GALNT4: variants seen among roughly 807,000 people sequenced by gnomAD.
GALNT4 encodes the protein UDP-GalNAc:polypeptide N-acetylgalactosaminyltransferase 4.
A neutral mutation model predicts 45.1 loss-of-function variants in GALNT4; 23 were observed. The ratio of observed to expected loss-of-function variants is 0.51; its 90% CI spans 0.37 to 0.72. The LOEUF is 0.72. Ranked by LOEUF, GALNT4 falls within the 30% of genes least tolerant of loss-of-function variation. GALNT4 has a pLI of 0.00. For missense variants in GALNT4, 757 were observed against 709.0 expected, an observed-to-expected ratio of 1.07 and a Z score of -0.77; for synonymous variants, 264 against 257.6, an observed-to-expected ratio of 1.02 and a Z score of -0.24.
chr12:89,524,060 CAGG>C lies in GALNT4; in HGVS notation c.487_489del (p.Pro163del), dbSNP rs1871185296. ...AAGATGATCTCTTTCAAAAGAACTG[CAGG>C]AGAAGTTTCTAAAACACTGTGAATG... On this transcript the variant is annotated inframe_deletion, in exon 1 of 1. Coordinates refer to ENST00000529983, the MANE Select transcript of GALNT4 (RefSeq NM_003774.5). 12 of 1,613,628 alleles carry C rather than the reference CAGG, an allele frequency of 7.4e-6. No individual in the cohort carries two copies. Among genetic ancestry groups the C allele is most frequent in the South Asian group, 1.1e-5 (1 of 91,004 alleles).
chr12:89,523,738 CCT>C lies in GALNT4; in HGVS notation c.810_811del (p.Ile270MetfsTer9). 6.5e-7 allele frequency: 1 copy of C among 1,547,792 alleles called. No homozygotes were observed. Among genetic ancestry groups the C allele is most frequent in the Non-Finnish European group, 8.7e-7 (1 of 1,154,602 alleles). On this transcript the variant is annotated frameshift_variant, in exon 1 of 1. Transcript: ENST00000529983. LOFTEE classifies it high-confidence loss of function. Reference sequence around the variant, plus strand: ...GTCAAACCCACCAATCATGGGCTCCCCTATCTGCATATAGAATTCAAAAGTAT... The same window carrying C: ...GTCAAACCCACCAATCATGGGCTCCCATCTGCATATAGAATTCAAAAGTAT...
Position 89,523,369 on chromosome 12 carries a change from A to G in GALNT4, c.1181T>C (p.Phe394Ser). Residue 394 changes from phenylalanine to serine, a missense_variant, in exon 1 of 1, where the codon TTC becomes TCC. Transcript: ENST00000529983. ...TCTTGCTGGAGGGTTTCTATTGTAGAAGTGCTCTTTGTATTCATCCATCCA... is the reference window on the plus strand; with the variant it reads ...TCTTGCTGGAGGGTTTCTATTGTAGGAGTGCTCTTTGTATTCATCCATCCA... ...EVWMDEYKEH[F>S]YNRNPPARKE... 6.2e-7 allele frequency: 1 copy of G among 1,614,056 alleles called. No homozygotes were observed. Among genetic ancestry groups the G allele is most frequent in the African/African-American group, 1.3e-5 (1 of 75,068 alleles).
Position 89,524,647 on chromosome 12 carries a change from G to A in GALNT4, c.-98C>T. 1 of 1,305,300 alleles carries A rather than the reference G, an allele frequency of 7.7e-7. No individual in the cohort carries two copies. Among genetic ancestry groups the A allele is most frequent in the Non-Finnish European group, 1.1e-6 (1 of 935,596 alleles). The allele number at this position is 1,305,300 out of a possible 1,614,324, so 80.9% of individuals were successfully genotyped here. On this transcript the variant is annotated 5_prime_UTR_variant, in exon 1 of 1. Transcript: ENST00000529983. ...GCTCGAGCTCAGGTACTTCCCAGCA[G>A]GTTCTTCCTTTCATGCAGGCGCTAG...
In GALNT4 at chr12:89,519,856, T is replaced by C. The variant is rs11831532; in HGVS notation, c.*2957A>G. 0.09 allele frequency: 13,747 copies of C among 152,416 alleles called. 769 individuals are homozygous for C. The highest frequency in any genetic ancestry group is 0.16 in the Middle Eastern group (46 of 294). 9.4% of individuals were successfully genotyped at this position (152,416 alleles called of 1,614,324 possible). Reference sequence around the variant, plus strand: ...TTAGATAGTCAACCTATCCGTAAAGTTGGACACTAAATGACATAGTGAACA... The same window carrying C: ...TTAGATAGTCAACCTATCCGTAAAGCTGGACACTAAATGACATAGTGAACA... On this transcript the variant is annotated 3_prime_UTR_variant, in exon 1 of 1. Coordinates refer to ENST00000529983, the MANE Select transcript of GALNT4 (RefSeq NM_003774.5).
At position 89,523,340 on chromosome 12, in the gene GALNT4, C is replaced by A; in HGVS notation, c.1210G>T (p.Glu404Ter). ...FYNRNPPARK[E>*]AYGDISERKL... ...CTTTCAGAAATATCACCATAAGCTT[C>A]TTTTCTTGCTGGAGGGTTTCTATTG... The change falls in exon 1 of 1, where the codon GAA (glutamate) becomes TAA (stop). Residue 404 changes from glutamate to a stop codon, truncating the protein, a stop_gained. Transcript: ENST00000529983. LOFTEE classifies it high-confidence loss of function. 1 of 1,614,042 alleles carries A rather than the reference C, an allele frequency of 6.2e-7. No individual in the cohort carries two copies. Among genetic ancestry groups the A allele is most frequent in the Non-Finnish European group, 8.5e-7 (1 of 1,179,894 alleles).
rs1161368127 is a variant in GALNT4, at chr12:89,520,885, A to C, written c.*1928T>G. 2 of 152,192 alleles carry C rather than the reference A, an allele frequency of 1.3e-5. No homozygotes were observed. The highest frequency in any genetic ancestry group is 2.9e-5 in the Non-Finnish European group (2 of 68,040). 9.4% of individuals were successfully genotyped at this position (152,192 alleles called of 1,614,324 possible). ...TGATTTCTGCATATAATATTGGTAT[A>C]AAACCAGTAAAAATACTTTTAAAAA... On this transcript the variant is annotated 3_prime_UTR_variant, in exon 1 of 1. Transcript: ENST00000529983.
chr12:89,519,787 T>C lies in GALNT4; in HGVS notation c.*3026A>G, dbSNP rs1407921580. 7.8e-6 allele frequency: 1 copy of C among 127,488 alleles called. No individual in the cohort carries two copies. Among genetic ancestry groups the C allele is most frequent in the East Asian group, 2.4e-4 (1 of 4,190 alleles). The allele number at this position is 127,488 out of a possible 1,614,324, so 7.9% of individuals were successfully genotyped here. A position where few individuals can be genotyped will look rare whatever the true frequency, so the allele number is the denominator to read the frequency against. On this transcript the variant is annotated 3_prime_UTR_variant, in exon 1 of 1. Coordinates refer to ENST00000529983, the MANE Select transcript of GALNT4 (RefSeq NM_003774.5). ...AACAAGTTATTTTGAGTTATAGGGA[T>C]CCTCCTGGTGACTAGATTTTTTTTA... is the stretch of plus-strand genomic sequence containing the variant.
rs1183378733 is a variant in GALNT4, at chr12:89,521,582, G to C, written c.*1231C>G. 1 of 159,512 alleles carries C rather than the reference G, an allele frequency of 6.3e-6. No homozygotes were observed. Among genetic ancestry groups the C allele is most frequent in the Non-Finnish European group, 1.4e-5 (1 of 73,276 alleles). The allele number at this position is 159,512 out of a possible 1,614,324, so 9.9% of individuals were successfully genotyped here. A position where few individuals can be genotyped will look rare whatever the true frequency, so the allele number is the denominator to read the frequency against. On this transcript the variant is annotated 3_prime_UTR_variant, in exon 1 of 1. Coordinates refer to ENST00000529983, the MANE Select transcript of GALNT4 (RefSeq NM_003774.5). ...CTGTACAATCAGCATTTCAGAGCTGGAAGGGATCTTTAAGATCCAATCCAG... is the reference window on the plus strand; with the variant it reads ...CTGTACAATCAGCATTTCAGAGCTGCAAGGGATCTTTAAGATCCAATCCAG...
chr12:89,524,111 C>CT lies in GALNT4; in HGVS notation c.438dup (p.Ala147SerfsTer29). ...ATGGTACGGAGCAAAGTCGACCAGGCTTCGTTATAGAAAGCAATGATAACA... is the reference window on the plus strand; with the variant it reads ...ATGGTACGGAGCAAAGTCGACCAGGCTTTCGTTATAGAAAGCAATGATAACA... On this transcript the variant is annotated frameshift_variant, in exon 1 of 1. Coordinates refer to ENST00000529983, the MANE Select transcript of GALNT4 (RefSeq NM_003774.5). LOFTEE classifies it high-confidence loss of function. The CT allele has an allele frequency of 6.2e-7, 1 of 1,613,986 alleles. No individual in the cohort carries two copies. The highest frequency in any genetic ancestry group is 2.2e-5 in the East Asian group (1 of 44,888).
At position 89,524,480 on chromosome 12, in the gene GALNT4, A is replaced by T; in HGVS notation, c.70T>A (p.Phe24Ile). The T allele has an allele frequency of 6.2e-7, 1 of 1,613,456 alleles. No homozygotes were observed. The highest frequency in any genetic ancestry group is 1.1e-5 in the South Asian group (1 of 91,064). The change falls in exon 1 of 1, where the codon TTC (phenylalanine) becomes ATC (isoleucine). Residue 24 changes from phenylalanine to isoleucine, a missense_variant. Coordinates refer to ENST00000529983, the MANE Select transcript of GALNT4 (RefSeq NM_003774.5). ...LLAFLTVAYIFVELLVSTFHA... is the reference protein window; with the variant it reads ...LLAFLTVAYIIVELLVSTFHA... ...AAAGTAGAGACCAAGAGCTCCACGA[A>T]GATATAGGCCACTGTTAAAAACGCC...
chr12:89,524,406 C>T lies in GALNT4; in HGVS notation c.144G>A (p.Arg48=), dbSNP rs761800985. The T allele has an allele frequency of 6.2e-7, 1 of 1,613,978 alleles. No individual in the cohort carries two copies. Among genetic ancestry groups the T allele is most frequent in the South Asian group, 1.1e-5 (1 of 91,084 alleles). ...CCGTATTTTTCTGGAGGTCTGAGAG[C>T]CTTCTTGACCCCAGCTCCCTGGCAC... ...AGRARELGSR[R]LSDLQKNTED... The change falls in exon 1 of 1, where the codon AGG becomes AGA. Residue 48 remains arginine (R), a synonymous_variant. Coordinates refer to ENST00000529983, the MANE Select transcript of GALNT4 (RefSeq NM_003774.5).
Position 89,523,761 on chromosome 12 carries a change from A to G in GALNT4, c.789T>C (p.Thr263=), listed in dbSNP as rs1377459520. ...CCCCTATCTGCATATAGAATTCAAA[A>G]GTATTCCAATCAATTGTGTCTATAA... ...CPVIDTIDWN[T]FEFYMQIGEP... The change falls in exon 1 of 1, where the codon ACT becomes ACC. Residue 263 remains threonine, a synonymous_variant. Transcript: ENST00000529983. The G allele has an allele frequency of 1.9e-6, 3 of 1,540,816 alleles. No homozygotes were observed. The East Asian group carries it at 6.7e-5, about 35-fold the overall frequency.
Position 89,524,676 on chromosome 12 carries a change from C to A in GALNT4, c.-127G>T, listed in dbSNP as rs1414346528. Reference sequence around the variant, plus strand: ...CTTCCTTTCATGCAGGCGCTAGGCTCCTTTCCAGCCACCCAGGCTTTCCAG... The same window carrying A: ...CTTCCTTTCATGCAGGCGCTAGGCTACTTTCCAGCCACCCAGGCTTTCCAG... On this transcript the variant is annotated 5_prime_UTR_variant, in exon 1 of 1. Coordinates refer to ENST00000529983, the MANE Select transcript of GALNT4 (RefSeq NM_003774.5). 9.9e-7 allele frequency: 1 copy of A among 1,006,798 alleles called. No homozygotes were observed. The highest frequency in any genetic ancestry group is 1.5e-6 in the Non-Finnish European group (1 of 686,528). 62.4% of individuals were successfully genotyped at this position (1,006,798 alleles called of 1,614,324 possible).
chr12:89,524,304 T>C lies in GALNT4; in HGVS notation c.246A>G (p.Lys82=). 1 of 1,613,894 alleles carries C rather than the reference T, an allele frequency of 6.2e-7. No individual in the cohort carries two copies. The highest frequency in any genetic ancestry group is 8.5e-7 in the Non-Finnish European group (1 of 1,179,842). Residue 82 remains lysine (K), a synonymous_variant, in exon 1 of 1, where the codon AAA becomes AAG. Coordinates refer to ENST00000529983, the MANE Select transcript of GALNT4 (RefSeq NM_003774.5). ...TCAGTTCATCCTCGTTGAGCTGGAG[T>C]TTGCTGGCTTTCCCCCACTCCCCAA... ...RALGEWGKAS[K]LQLNEDELKQ...
At position 89,523,887 on chromosome 12, in the gene GALNT4, G is replaced by T. The variant is rs1290940278; in HGVS notation, c.663C>A (p.Asp221Glu). The T allele has an allele frequency of 6.3e-7, 1 of 1,578,430 alleles. No individual in the cohort carries two copies. Among genetic ancestry groups the T allele is most frequent in the Non-Finnish European group, 8.6e-7 (1 of 1,166,226 alleles). The change falls in exon 1 of 1, where the codon GAC becomes GAA. Residue 221 changes from aspartate to glutamate, a missense_variant. Coordinates refer to ENST00000529983, the MANE Select transcript of GALNT4 (RefSeq NM_003774.5). ...RLIGATFATGDVLTFLDCHCE... is the reference protein window; with the variant it reads ...RLIGATFATGEVLTFLDCHCE... ...AGTGACAATCCAGGAAAGTGAGGAC[G>T]TCCCCAGTGGCGAAAGTGGCCCCAA...
chr12:89,523,378 T>C lies in GALNT4; in HGVS notation c.1172A>G (p.Lys391Arg). The C allele has an allele frequency of 1.2e-6, 2 of 1,614,068 alleles. No individual in the cohort carries two copies. The highest frequency in any genetic ancestry group is 1.7e-6 in the Non-Finnish European group (2 of 1,179,902). ...RAAEVWMDEY[K>R]EHFYNRNPPA... ...AGGGTTTCTATTGTAGAAGTGCTCT[T>C]TGTATTCATCCATCCAAACTTCTGC... The change falls in exon 1 of 1, where the codon AAA becomes AGA. Residue 391 changes from lysine to arginine, a missense_variant. Coordinates refer to ENST00000529983, the MANE Select transcript of GALNT4 (RefSeq NM_003774.5).
At position 89,520,853 on chromosome 12, in the gene GALNT4, C is replaced by A. The variant is rs1008770477; in HGVS notation, c.*1960G>T. 7.2e-5 allele frequency: 11 copies of A among 152,240 alleles called. No individual in the cohort carries two copies. The highest frequency in any genetic ancestry group is 2.4e-4 in the African/African-American group (10 of 41,526). The allele number at this position is 152,240 out of a possible 1,614,324, so 9.4% of individuals were successfully genotyped here. A position where few individuals can be genotyped will look rare whatever the true frequency, so the allele number is the denominator to read the frequency against. ...ACTAATTGAGATTTAATTCTAAATTCATCCTGTGATTTCTGCATATAATAT... is the reference window on the plus strand; with the variant it reads ...ACTAATTGAGATTTAATTCTAAATTAATCCTGTGATTTCTGCATATAATAT... On this transcript the variant is annotated 3_prime_UTR_variant, in exon 1 of 1. Transcript: ENST00000529983.
chr12:89,523,289 A>G lies in GALNT4; in HGVS notation c.1261T>C (p.Cys421Arg), dbSNP rs1871084491. Residue 421 changes from cysteine (C) to arginine (R), a missense_variant, in exon 1 of 1, where the codon TGC (cysteine) becomes CGC (arginine). Transcript: ENST00000529983. ...ERKLLRERLR[C>R]KSFDWYLKNV... is the part of the protein sequence containing the mutation. Reference sequence around the variant, plus strand: ...TTCAAATACCAGTCAAAGCTCTTGCATCTCAACCGCTCTCGTAGTAATTTT... The same window carrying G: ...TTCAAATACCAGTCAAAGCTCTTGCGTCTCAACCGCTCTCGTAGTAATTTT... The G allele has an allele frequency of 1.9e-6, 3 of 1,614,092 alleles. No individual in the cohort carries two copies. Among genetic ancestry groups the G allele is most frequent in the Non-Finnish European group, 2.5e-6 (3 of 1,179,908 alleles).
chr12:89,524,703 G>T lies in GALNT4; in HGVS notation c.-154C>A. The T allele has an allele frequency of 1.3e-6, 1 of 774,090 alleles. No homozygotes were observed. 48.0% of individuals were successfully genotyped at this position (774,090 alleles called of 1,614,324 possible). A position where few individuals can be genotyped will look rare whatever the true frequency, so the allele number is the denominator to read the frequency against. On this transcript the variant is annotated 5_prime_UTR_variant, in exon 1 of 1. Transcript: ENST00000529983. ...TTTCCAGCCACCCAGGCTTTCCAGG[G>T]GTCACCTGAGCCCTCTCGGTCCTCG...
Sources: allele counts gnomAD v4.1 joint callset, GRCh38; gene constraint gnomAD v4.1.1; transcripts MANE v1.5; gene names NCBI Gene and HGNC (gene_info 2026-07-23, HGNC 2026-07-21).